MGST2: variants seen among roughly 807,000 people sequenced by gnomAD.
MGST2 encodes microsomal glutathione S-transferase 2, also known as glutathione peroxidase MGST2.
Under a neutral mutation model 16.6 loss-of-function variants are expected in MGST2, and 9 were observed. The observed-to-expected ratio is 0.54, with a 90% CI of 0.33 to 0.95. The LOEUF (loss-of-function observed/expected upper bound fraction) is 0.95. Among genes scored for constraint, MGST2 ranks in the 40% least tolerant of loss-of-function variants. MGST2 has a pLI of 0.03. For missense variants in MGST2, 159 were observed against 175.1 expected (o/e 0.91, Z 0.52); for synonymous variants, 79 against 68.0 (o/e 1.16, Z -0.79).
chr4:139,702,088 G>A (rs1727282172), intron 3 of MGST2, among the ~76,000 whole-genome samples: 1 of 152,212 alleles, frequency 6.6e-6, no homozygotes. Flanking sequence ...CATCTGTGAG[G>A]TGCTGAGGAA....
chr4:139,707,345 T>A (rs1263994146), downstream of MGST2, among the ~76,000 whole-genome samples: 9 of 152,260 alleles, frequency 5.9e-5, no homozygotes, highest in African/African-American at 2.2e-4. Context: ...AATGATGGTT[T>A]CCAGTTTCAT....
At chr4:139,720,729 A>C (rs1236057665) in intron 5 of MGST2, among the ~76,000 whole-genome samples, 1 of 152,226 alleles carries the variant, frequency 6.6e-6, no homozygotes, top group Non-Finnish European at 1.5e-5. Flanking sequence ...TATAGGTATG[A>C]CATCATCCTC....
chr4:139,723,532 G>A (rs938316023), intron 5 of MGST2, among the ~76,000 whole-genome samples: 7 of 152,058 alleles, frequency 4.6e-5, no homozygotes, highest in Admixed American at 2.0e-4. Context: ...GGCTGGTCTC[G>A]AACTCCCGAC....
At chr4:139,733,811 G>A (rs1248258524) in intron 5 of MGST2, among the ~76,000 whole-genome samples, 1 of 152,048 alleles carries the variant, frequency 6.6e-6, no homozygotes, top group African/African-American at 2.4e-5. Context: ...CAGCCTCCTG[G>A]GTAGGTGGGG....
At chr4:139,720,301 G>A (rs368722575) in intron 5 of MGST2, 38 of 1,552,248 alleles carry the variant, frequency 2.4e-5, no homozygotes, top group Admixed American at 7.4e-5. Flanking sequence ...GGCTTCTTAC[G>A]GCTGCTATAT....
At chr4:139,697,835 C>T (rs1727016246) in intron 3 of MGST2, among the ~76,000 whole-genome samples, 1 of 152,034 alleles carries the variant, frequency 6.6e-6, no homozygotes, top group Admixed American at 6.6e-5. Flanking sequence ...CTGGCATTGT[C>T]CAGAAAAATT....
downstream of MGST2, among the ~76,000 whole-genome samples, chr4:139,706,838 A>G (rs1048739563): frequency 5.9e-5 from 9 of 152,258 alleles, no homozygotes; most frequent in African/African-American, 2.2e-4. Flanking sequence ...TTTCATTCCT[A>G]TTAGATTTGG....
intron 1 of MGST2, among the ~76,000 whole-genome samples, chr4:139,677,637 G>T (rs985864856): frequency 6.6e-6 from 1 of 151,962 alleles, no homozygotes; most frequent in Non-Finnish European, 1.5e-5. Flanking sequence ...GAGTAGCTGG[G>T]ATTACAGGCA....
chr4:139,679,992 T>A (rs1469786439), intron 2 of MGST2, among the ~76,000 whole-genome samples: 3 of 152,188 alleles, frequency 2.0e-5, no homozygotes, highest in Non-Finnish European at 4.4e-5. Context: ...TGTCCCTACC[T>A]CCCCTCTCCC....
chr4:139,711,422 T>C (rs1157379869), intron 5 of MGST2, among the ~76,000 whole-genome samples: 1 of 152,184 alleles, frequency 6.6e-6, no homozygotes, highest in Non-Finnish European at 1.5e-5. Context: ...CGAGGGCTGC[T>C]GGTTGCCTAT....
At chr4:139,708,860 G>A (rs551409642), downstream of MGST2, among the ~76,000 whole-genome samples, 7 of 151,814 alleles carry the variant, frequency 4.6e-5, no homozygotes, top group Admixed American at 4.6e-4. Flanking sequence ...AAATTAGCCG[G>A]GCATGGTGGC....
chr4:139,697,366 A>G (rs1400324256), intron 3 of MGST2, among the ~76,000 whole-genome samples: 2 of 152,042 alleles, frequency 1.3e-5, no homozygotes, highest in African/African-American at 2.4e-5. Context: ...TCAGGCAGAT[A>G]TCCTTTCTCC....
At chr4:139,748,885 C>T in the MGST2 span, among the ~76,000 whole-genome samples, 2 of 152,122 alleles carry the variant, frequency 1.3e-5, no homozygotes, top group African/African-American at 4.8e-5. Context: ...GTTTTGCTGG[C>T]CTCCGAAGAG....
chr4:139,675,722 C>T (rs768055205), intron 1 of MGST2, among the ~76,000 whole-genome samples: 5 of 152,150 alleles, frequency 3.3e-5, no homozygotes, highest in Admixed American at 2.0e-4. Flanking sequence ...CTGAGCGCGC[C>T]GGGGAGGATT....
chr4:139,720,676 G>C (rs1000125134), intron 5 of MGST2, among the ~76,000 whole-genome samples: 2 of 152,212 alleles, frequency 1.3e-5, no homozygotes, highest in African/African-American at 4.8e-5. Context: ...AGATCCTGAT[G>C]TAATTCTTGT....
intron 5 of MGST2, chr4:139,719,788 A>G: frequency 1.2e-6 from 2 of 1,613,656 alleles, no homozygotes; most frequent in Non-Finnish European, 8.5e-7. Context: ...AGCTGGCGCC[A>G]TTGTTGAATG....
intron 5 of MGST2, among the ~76,000 whole-genome samples, chr4:139,727,686 G>A (rs563872880): frequency 3.3e-5 from 5 of 152,160 alleles, no homozygotes; most frequent in African/African-American, 1.2e-4. Context: ...TGGAGAATAC[G>A]GCATTAAATG....
At chr4:139,748,030 G>A in the MGST2 span, among the ~76,000 whole-genome samples, 3 of 148,582 alleles carry the variant, frequency 2.0e-5, no homozygotes, top group Non-Finnish European at 4.4e-5. Context: ...CTCCAGCCTG[G>A]GTGGACAGAG....
chr4:139,746,668 C>T, the MGST2 span, among the ~76,000 whole-genome samples: 7 of 152,320 alleles, frequency 4.6e-5, no homozygotes, highest in Non-Finnish European at 7.3e-5. Context: ...ATTCCGCAGA[C>T]GTTTGACACT....
Sources: gnomAD v4.1 joint callset for allele counts (sites outside exome capture counted in the v4.1 genomes callset) on GRCh38, gnomAD v4.1.1 for gene constraint, MANE v1.5 for transcripts, NCBI Gene and HGNC (gene_info 2026-07-23, HGNC 2026-07-21) for gene names.